CRTC3: variants seen among roughly 807,000 people sequenced by gnomAD.
The protein encoded by CRTC3 is CREB regulated transcription coactivator 3.
Under a neutral mutation model 74.5 loss-of-function variants are expected in CRTC3, and 26 were observed. That is an observed-to-expected ratio of 0.35 (90% CI 0.26 to 0.48). CRTC3 has a LOEUF of 0.48. Ranked by LOEUF, CRTC3 falls within the 20% of genes least tolerant of loss-of-function variation. The probability of loss-of-function intolerance (pLI) is 0.99; values close to 1 mark genes in which losing one functional copy is unlikely to be tolerated. For synonymous variants in CRTC3, 377 were observed against 325.8 expected, an observed-to-expected ratio of 1.16 and a Z score of -1.69; for missense variants, 760 against 787.3, an observed-to-expected ratio of 0.97 and a Z score of 0.41.
intron 2 of CRTC3, among the ~76,000 whole-genome samples, chr15:90,558,142 A>G (rs1460995239): frequency 6.6e-6 from 1 of 152,062 alleles, no homozygotes; most frequent in Admixed American, 6.6e-5. Flanking sequence ...AACTCCTTGC[A>G]TTGTCTCACA....
chr15:90,629,561 A>G (rs1256010147), intron 11 of CRTC3, 29 bp downstream of exon 11: 1 of 1,605,690 alleles, frequency 6.2e-7, no homozygotes, highest in Middle Eastern at 1.7e-4. Flanking sequence ...ACCAACCACT[A>G]CAGTGAAACA....
At chr15:90,549,867 T>C (rs1401564610) in intron 2 of CRTC3, among the ~76,000 whole-genome samples, 1 of 151,344 alleles carries the variant, frequency 6.6e-6, no homozygotes, top group East Asian at 2.0e-4. Flanking sequence ...CATGCCCGGC[T>C]CATTTTTTGT....
In CRTC3 at chr15:90,626,611, C is replaced by CTTTTTTTTTT. The variant is rs922457681; in HGVS notation, c.967+627_967+636dup. Among the ~76,000 whole-genome samples the CTTTTTTTTTT allele has an allele frequency of 3.6e-4, 48 of 133,412 alleles. 3 individuals carry two copies. Among genetic ancestry groups the CTTTTTTTTTT allele is most frequent in the African/African-American group, 1.4e-3 (48 of 34,166 alleles). The allele number at this position is 133,412 out of a possible 152,430, so 87.5% of individuals were successfully genotyped here. ...GACTACATTTGTTTGAAGCCTGACA[C>CTTTTTTTTTT]TTTTTTTTTTTTTTTTTTGAGATGG... On this transcript the variant is annotated intron_variant, in intron 10 of 14. Coordinates refer to ENST00000268184, the MANE Select transcript of CRTC3 (RefSeq NM_022769.5).
chr15:90,574,714 T>A (rs1402211479), intron 2 of CRTC3, among the ~76,000 whole-genome samples: 1 of 152,196 alleles, frequency 6.6e-6, no homozygotes, highest in Non-Finnish European at 1.5e-5. Context: ...CTCAGTGTTT[T>A]GTCAAACTGT....
intron 10 of CRTC3, among the ~76,000 whole-genome samples, chr15:90,626,473 C>T (rs1968837662): frequency 6.6e-6 from 1 of 152,220 alleles, no homozygotes; most frequent in African/African-American, 2.4e-5. Context: ...AAATCCCCCA[C>T]AGTTCCAGTT....
chr15:90,637,157 A>G (rs1419285662), intron 11 of CRTC3, among the ~76,000 whole-genome samples: 2 of 152,260 alleles, frequency 1.3e-5, no homozygotes, highest in Non-Finnish European at 2.9e-5. Flanking sequence ...ACCAAGCCAG[A>G]TGTCCAACAA....
chr15:90,548,920 G>A (rs1230618236), intron 2 of CRTC3, among the ~76,000 whole-genome samples: 1 of 152,164 alleles, frequency 6.6e-6, no homozygotes, highest in Non-Finnish European at 1.5e-5. Flanking sequence ...CAGAATTACT[G>A]TATACCAAAA....
chr15:90,582,624 A>G (rs958494002), intron 2 of CRTC3, among the ~76,000 whole-genome samples: 6 of 152,210 alleles, frequency 3.9e-5, no homozygotes. Flanking sequence ...ATAACACTGT[A>G]TTGTTAATAT....
rs761142241 is a variant in CRTC3, at chr15:90,643,097, C to T, written c.*957C>T. 4.3e-6 allele frequency: 1 copy of T among 232,140 alleles called. No individual in the cohort carries two copies. The highest frequency in any genetic ancestry group is 8.5e-6 in the Non-Finnish European group (1 of 117,412). 14.4% of individuals were successfully genotyped at this position (232,140 alleles called of 1,614,324 possible). Reference sequence around the variant, plus strand: ...GGAGTCTAATGTCACCCCCCTAGACCGTAAGCTCCTTGAGGGCAGGGACAG... The same window carrying T: ...GGAGTCTAATGTCACCCCCCTAGACTGTAAGCTCCTTGAGGGCAGGGACAG... On this transcript the variant is annotated 3_prime_UTR_variant, in exon 15 of 15. Coordinates refer to ENST00000268184, the MANE Select transcript of CRTC3 (RefSeq NM_022769.5).
intron 2 of CRTC3, among the ~76,000 whole-genome samples, chr15:90,543,334 C>G (rs1437986158): frequency 6.7e-6 from 1 of 148,566 alleles, no homozygotes; most frequent in Non-Finnish European, 1.5e-5. Context: ...GCCTGTCTGT[C>G]AGGCTTCCCC....
chr15:90,629,277 C>G lies in CRTC3; in HGVS notation c.1011C>G (p.Leu337=). The change falls in exon 11 of 15, where the codon CTC becomes CTG. Residue 337 remains leucine, a synonymous_variant. Transcript: ENST00000268184. ...SRSNPSIQAT[L]NKTVLSSSLN... ...GTAACCCCTCCATCCAAGCCACGCT[C>G]AATAAGACTGTGCTTTCCTCTTCCT... 1 of 1,614,204 alleles carries G rather than the reference C, an allele frequency of 6.2e-7. No individual in the cohort carries two copies. The highest frequency in any genetic ancestry group is 2.2e-5 in the East Asian group (1 of 44,888).
intron 2 of CRTC3, among the ~76,000 whole-genome samples, chr15:90,545,835 C>T (rs1339731068): frequency 6.6e-6 from 1 of 152,198 alleles, no homozygotes; most frequent in African/African-American, 2.4e-5. Context: ...GCCTTGGCCT[C>T]CCAAAGTGCT....
At chr15:90,641,357 AGACCGT>A in intron 14 of CRTC3, 158 bp downstream of exon 14, 1 of 613,224 alleles carries the variant, frequency 1.6e-6, no homozygotes, top group Non-Finnish European at 2.9e-6. Context: ...CCAGCCTCAG[AGACCGT>A]GACACAGGGC....
chr15:90,535,161 CAAA>C (rs34328900), intron 1 of CRTC3, among the ~76,000 whole-genome samples: 1 of 128,366 alleles, frequency 7.8e-6, no homozygotes. Context: ...AACTCCGTCT[CAAA>C]AAAAAAAAAA....
chr15:90,636,106 C>T (rs1161638967), intron 11 of CRTC3, among the ~76,000 whole-genome samples: 3 of 149,050 alleles, frequency 2.0e-5, no homozygotes, highest in Non-Finnish European at 3.0e-5. Flanking sequence ...CAAGTCAATC[C>T]TAAGCCAAAA....
Position 90,629,400 on chromosome 15 carries a change from C to T in CRTC3, c.1134C>T (p.Asn378=), listed in dbSNP as rs368824706. Residue 378 remains asparagine (N), a synonymous_variant, in exon 11 of 15, where the codon AAC becomes AAT. Coordinates refer to ENST00000268184, the MANE Select transcript of CRTC3 (RefSeq NM_022769.5). ...GCAACCCATCTCTTTCCACCACAAA[C>T]CTGAGCGGCCCGTCTCGGCGTCGGC... is the stretch of plus-strand genomic sequence containing the variant. ...SLSNPSLSTT[N]LSGPSRRRQP... 5 of 1,614,134 alleles carry T rather than the reference C, an allele frequency of 3.1e-6. No individual in the cohort carries two copies. The highest frequency in any genetic ancestry group is 4.2e-6 in the Non-Finnish European group (5 of 1,180,028).
chr15:90,530,068 C>A lies in CRTC3; in HGVS notation c.-4C>A. 7.0e-7 allele frequency: 1 copy of A among 1,426,164 alleles called. No homozygotes were observed. Among genetic ancestry groups the A allele is most frequent in the Non-Finnish European group, 9.3e-7 (1 of 1,073,612 alleles). The allele number at this position is 1,426,164 out of a possible 1,614,324, so 88.3% of individuals were successfully genotyped here. A position where few individuals can be genotyped will look rare whatever the true frequency, so the allele number is the denominator to read the frequency against. Reference sequence around the variant, plus strand: ...CCCGCTTCTGCCCGCGCAGAGTCCGCGCCATGGCCGCCTCGCCGGGCTCGG... The same window carrying A: ...CCCGCTTCTGCCCGCGCAGAGTCCGAGCCATGGCCGCCTCGCCGGGCTCGG... On this transcript the variant is annotated 5_prime_UTR_variant, in exon 1 of 15. Transcript: ENST00000268184. This position sits in a 1 kb window ranked among gnomAD's most constrained non-coding sequence, Gnocchi z 6.2.
chr15:90,534,742 T>C (rs1224940428), intron 1 of CRTC3, among the ~76,000 whole-genome samples: 1 of 152,202 alleles, frequency 6.6e-6, no homozygotes, highest in Non-Finnish European at 1.5e-5. Flanking sequence ...GCCATGGATG[T>C]GGTCTTCAGT....
rs749120843 is a variant in CRTC3, at chr15:90,625,846, T to C, written c.820T>C (p.Leu274=). 31 of 1,614,096 alleles carry C rather than the reference T, an allele frequency of 1.9e-5. No homozygotes were observed. The highest frequency in any genetic ancestry group is 1.9e-5 in the Non-Finnish European group (23 of 1,180,042). ...FLGTLNTGGS[L]PDLTNLHYST... is the part of the protein sequence containing the mutation. ...GGGGACCTTGAACACTGGAGGGTCA[T>C]TGCCAGATCTAACCAACCTCCACTA... Residue 274 remains leucine (L), a synonymous_variant, in exon 10 of 15, where the codon TTG becomes CTG. Transcript: ENST00000268184.
Sources: allele counts gnomAD v4.1 joint callset (sites outside exome capture counted in the v4.1 genomes callset), GRCh38; gene constraint gnomAD v4.1.1; non-coding constraint Gnocchi (gnomAD v3.1); transcripts MANE v1.5; gene names NCBI Gene and HGNC (gene_info 2026-07-23, HGNC 2026-07-21).